Variants in TMBIM6 observed in about 807,000 individuals in gnomAD.
TMBIM6 encodes bax inhibitor 1.
A neutral mutation model predicts 31.4 loss-of-function variants in TMBIM6; 13 were observed. The observed-to-expected ratio is 0.41, with a 90% CI of 0.27 to 0.66. TMBIM6 has a LOEUF of 0.66. Among genes scored for constraint, TMBIM6 ranks in the 30% least tolerant of loss-of-function variants. TMBIM6 has a pLI of 0.28. For synonymous variants in TMBIM6, 85 were observed against 101.7 expected, an observed-to-expected ratio of 0.84 and a Z score of 0.99; for missense variants, 275 against 289.5, an observed-to-expected ratio of 0.95 and a Z score of 0.36.
At position 49,762,938 on chromosome 12, in the gene TMBIM6, C is replaced by CTGA. The variant is rs1333129556; in HGVS notation, c.*42_*43insTGA. 6.2e-7 allele frequency: 1 copy of CTGA among 1,602,696 alleles called. No individual in the cohort carries two copies. The highest frequency in any genetic ancestry group is 8.5e-7 in the Non-Finnish European group (1 of 1,170,474). On this transcript the variant is annotated 3_prime_UTR_variant, in exon 10 of 10. Coordinates refer to ENST00000267115, the MANE Select transcript of TMBIM6 (RefSeq NM_003217.3). ...TTCCCAATTAGACTTCCTCTCCTTC[C>CTGA]ACCCCTCATTTCCTTTTTGCACACA...
At chr12:49,742,432 G>A in intron 1 of TMBIM6, 2 of 1,107,112 alleles carry the variant, frequency 1.8e-6, no homozygotes, top group Non-Finnish European at 2.4e-6. Flanking sequence ...TATTTACTGA[G>A]TGTAGAATTA....
intron 1 of TMBIM6, among the ~76,000 whole-genome samples, chr12:49,746,773 A>C (rs1020174923): frequency 2.0e-5 from 3 of 151,824 alleles, no homozygotes; most frequent in African/African-American, 7.3e-5. Flanking sequence ...AAAAACACAG[A>C]AGAAGAAGAA....
chr12:49,753,026 G>A lies in TMBIM6; in HGVS notation c.110G>A (p.Cys37Tyr), dbSNP rs1311384934. 6.2e-7 allele frequency: 1 copy of A among 1,614,044 alleles called. No individual in the cohort carries two copies. Among genetic ancestry groups the A allele is most frequent in the Non-Finnish European group, 8.5e-7 (1 of 1,179,976 alleles). ...LKKVYASFAL[C>Y]MFVAAAGAYV... ...AAGGTCTATGCAAGTTTTGCCCTTT[G>A]TATGTTTGTGGCGGCTGCAGGGGCC... The change falls in exon 3 of 10, where the codon TGT (cysteine) becomes TAT (tyrosine). Residue 37 changes from cysteine to tyrosine, a missense_variant. By Grantham distance (194) the Cys-to-Tyr change is radical. Coordinates refer to ENST00000267115, the MANE Select transcript of TMBIM6 (RefSeq NM_003217.3).
chr12:49,759,054 A>C, intron 7 of TMBIM6, 167 bp from the exon 8 acceptor site: 2 of 647,900 alleles, frequency 3.1e-6, no homozygotes, highest in Middle Eastern at 4.1e-4. Flanking sequence ...TATTGTGCCT[A>C]GGGAAGTAAA....
intron 1 of TMBIM6, chr12:49,742,002 C>T (rs551849049): frequency 3.8e-5 from 49 of 1,292,862 alleles, no homozygotes; most frequent in Non-Finnish European, 4.9e-5. Context: ...ATTCAGAGCA[C>T]GTCCTTCCGA....
At chr12:49,744,215 A>G (rs1078216) in intron 1 of TMBIM6, among the ~76,000 whole-genome samples, 13,569 of 152,242 alleles carry the variant, frequency 0.089, 1,124 homozygotes, top group African/African-American at 0.22. Context: ...TATAGTCAGG[A>G]GTATTAGTAT....
In TMBIM6 at chr12:49,753,721, T is replaced by C. The variant is rs146829769; in HGVS notation, c.165+640T>C. Among the ~76,000 whole-genome samples, 999 of 152,354 alleles carry C rather than the reference T, an allele frequency of 6.6e-3. 5 individuals carry two copies. The highest frequency in any genetic ancestry group is 8.8e-3 in the Non-Finnish European group (597 of 68,040). On this transcript the variant is annotated intron_variant, in intron 3 of 9. Coordinates refer to ENST00000267115, the MANE Select transcript of TMBIM6 (RefSeq NM_003217.3). ...TTGCCACTGTTGAGAACTATCCTTATGTTCAGGCATCTCCTGGCAGGGATT... is the reference window on the plus strand; with the variant it reads ...TTGCCACTGTTGAGAACTATCCTTACGTTCAGGCATCTCCTGGCAGGGATT...
chr12:49,743,678 G>C (rs1945340816), intron 1 of TMBIM6: 1 of 152,144 alleles, frequency 6.6e-6, no homozygotes, highest in African/African-American at 2.4e-5. Flanking sequence ...AGGAATCAAT[G>C]TATGTTTTGG....
At chr12:49,760,619 C>T (rs368029628) in intron 8 of TMBIM6, among the ~76,000 whole-genome samples, 23 of 150,194 alleles carry the variant, frequency 1.5e-4, no homozygotes, top group African/African-American at 5.4e-4. Context: ...TCACTGCAAC[C>T]TCCGCCTCCT....
At chr12:49,760,630 G>A (rs1251805050) in intron 8 of TMBIM6, among the ~76,000 whole-genome samples, 6 of 145,934 alleles carry the variant, frequency 4.1e-5, no homozygotes, top group African/African-American at 1.5e-4. Context: ...TCCGCCTCCT[G>A]GGTTCAAGCG....
Position 49,758,244 on chromosome 12 carries a change from G to A in TMBIM6, c.304G>A (p.Ala102Thr). The part of the protein sequence containing the change: ...AFLTGVGLGP[A>T]LEFCIAVNPS... ...TTTTCTAGGAGTTGGCCTGGGCCCT[G>A]CCCTGGAGTTTTGTATTGCTGTCAA... Residue 102 changes from alanine to threonine, a missense_variant, in exon 5 of 10, where the codon GCC becomes ACC. Transcript: ENST00000267115. 6.2e-7 allele frequency: 1 copy of A among 1,614,232 alleles called. No individual in the cohort carries two copies. The highest frequency in any genetic ancestry group is 8.5e-7 in the Non-Finnish European group (1 of 1,180,030).
At chr12:49,749,995 CAG>C (rs1337499004) in intron 1 of TMBIM6, 2 of 152,152 alleles carry the variant, frequency 1.3e-5, no homozygotes, top group East Asian at 1.9e-4. Context: ...TATTGAAAAA[CAG>C]AAGTTTTAGT....
intron 1 of TMBIM6, among the ~76,000 whole-genome samples, chr12:49,750,249 T>A (rs1945471115): frequency 6.6e-6 from 1 of 152,172 alleles, no homozygotes; most frequent in Non-Finnish European, 1.5e-5. Flanking sequence ...CAGGGTCTGG[T>A]TACATGAGCA....
At chr12:49,762,842 A>C in intron 9 of TMBIM6, 31 bp from the exon 10 acceptor site, 1 of 1,610,454 alleles carries the variant, frequency 6.2e-7, no homozygotes, top group Non-Finnish European at 8.5e-7. Context: ...AATGTCAAAA[A>C]ATTAATTGGG....
intron 8 of TMBIM6, 90 bp from the exon 9 acceptor site, chr12:49,761,614 G>C: frequency 2.6e-6 from 3 of 1,175,158 alleles, no homozygotes; most frequent in East Asian, 2.5e-5. Context: ...GGCTCGTGGG[G>C]GTAGGGGTGG....
At chr12:49,758,817 C>CATTT in intron 7 of TMBIM6, 55 bp downstream of exon 7, 2 of 1,344,858 alleles carry the variant, frequency 1.5e-6, no homozygotes, top group Non-Finnish European at 2.0e-6. Context: ...TTCTTTCTTT[C>CATTT]CTTTTTTTTT....
chr12:49,743,168 G>A (rs369427214), intron 1 of TMBIM6, among the ~76,000 whole-genome samples: 197 of 151,744 alleles, frequency 1.3e-3, no homozygotes, highest in South Asian at 0.011. Flanking sequence ...TTTTTGTGGA[G>A]ATGGGGTATC....
chr12:49,756,875 T>G (rs1945608987), intron 4 of TMBIM6, among the ~76,000 whole-genome samples: 1 of 152,100 alleles, frequency 6.6e-6, no homozygotes, highest in African/African-American at 2.4e-5. Flanking sequence ...TAGCTGGGAT[T>G]ATAGGCATCA....
intron 1 of TMBIM6, among the ~76,000 whole-genome samples, chr12:49,746,939 G>A (rs1234275688): frequency 2.0e-5 from 3 of 151,964 alleles, no homozygotes; most frequent in Admixed American, 6.6e-5. Context: ...GGGTTCAAAC[G>A]ATTTTCCTTC....
Sources: gnomAD v4.1 joint callset for allele counts (sites outside exome capture counted in the v4.1 genomes callset) on GRCh38, gnomAD v4.1.1 for gene constraint, MANE v1.5 for transcripts, NCBI Gene and HGNC (gene_info 2026-07-23, HGNC 2026-07-21) for gene names.